TLK1: variants seen among roughly 807,000 people sequenced by gnomAD.
TLK1 encodes tousled like kinase 1, also known as serine/threonine-protein kinase tousled-like 1.
In TLK1, 24 loss-of-function variants were observed where a neutral mutation model predicts 105.3. The observed-to-expected ratio is 0.23, with a 90% CI of 0.17 to 0.32. TLK1 has a LOEUF of 0.32. Among genes scored for constraint, TLK1 ranks in the 10% least tolerant of loss-of-function variants. The pLI is 1.00. For synonymous variants in TLK1, 321 were observed against 310.4 expected, an observed-to-expected ratio of 1.03 and a Z score of -0.36; for missense variants, 558 against 910.5, an observed-to-expected ratio of 0.61 and a Z score of 4.98.
chr2:171,224,587 G>A (rs906635899), intron 1 of TLK1, among the ~76,000 whole-genome samples: 4 of 152,004 alleles, frequency 2.6e-5, no homozygotes, highest in African/African-American at 4.8e-5. Flanking sequence ...CCATGTTCAT[G>A]GATCTGAAGT....
At chr2:171,155,797 G>C (rs986095583) in intron 1 of TLK1, 8 of 152,144 alleles carry the variant, frequency 5.3e-5, no homozygotes, top group East Asian at 1.9e-4. Flanking sequence ...TTGTCATACA[G>C]TTCTTACATT....
intron 11 of TLK1, among the ~76,000 whole-genome samples, chr2:171,032,528 A>G (rs1013181444): frequency 3.3e-5 from 5 of 152,210 alleles, no homozygotes; most frequent in Non-Finnish European, 7.3e-5. Flanking sequence ...CTAGGAATAA[A>G]TTTAACCCAG....
chr2:171,122,648 T>A (rs1575610567), intron 1 of TLK1, among the ~76,000 whole-genome samples: 1 of 152,162 alleles, frequency 6.6e-6, no homozygotes, highest in Non-Finnish European at 1.5e-5. Context: ...AACAATTTTT[T>A]TTTTTTTTTG....
intron 3 of TLK1, among the ~76,000 whole-genome samples, chr2:171,081,447 T>C (rs1305305773): frequency 2.6e-5 from 4 of 152,194 alleles, no homozygotes; most frequent in Non-Finnish European, 5.9e-5. Context: ...AATTACTAAA[T>C]ATTCCCAATT....
At chr2:171,040,072 A>G (rs1024770128) in intron 11 of TLK1, among the ~76,000 whole-genome samples, 1 of 152,198 alleles carries the variant, frequency 6.6e-6, no homozygotes, top group African/African-American at 2.4e-5. Flanking sequence ...AAGCATGCTC[A>G]TACTGTAATA....
intron 11 of TLK1, among the ~76,000 whole-genome samples, chr2:171,040,959 ATTAC>A (rs1304423616): frequency 6.6e-6 from 1 of 152,202 alleles, no homozygotes; most frequent in Non-Finnish European, 1.5e-5. Context: ...GAGGTAAAAT[ATTAC>A]TTATTCTTAA....
chr2:171,006,211 T>C lies in TLK1; in HGVS notation c.1840A>G (p.Met614Val), dbSNP rs1288472562. The C allele has an allele frequency of 6.2e-7, 1 of 1,611,396 alleles. No homozygotes were observed. The highest frequency in any genetic ancestry group is 2.2e-5 in the East Asian group (1 of 44,820). ...TCTACACCATAGCTATCATCATCCA[T>C]AATCTTGGACAGACCAAAATCAGTG... is the stretch of plus-strand genomic sequence containing the variant. Reference protein sequence around the residue: ...KITDFGLSKIMDDDSYGVDGM... With the variant: ...KITDFGLSKIVDDDSYGVDGM... The change falls in exon 18 of 21, where the codon ATG (methionine) becomes GTG (valine). Residue 614 changes from methionine (M) to valine (V), a missense_variant. Coordinates refer to ENST00000431350, the MANE Select transcript of TLK1 (RefSeq NM_012290.5).
chr2:171,116,019 T>A (rs770301318), intron 2 of TLK1, among the ~76,000 whole-genome samples: 2 of 152,208 alleles, frequency 1.3e-5, no homozygotes, highest in African/African-American at 4.8e-5. Context: ...AAATAGCTTA[T>A]AAATATAAAA....
At position 170,991,499 on chromosome 2, in the gene TLK1, C is replaced by T. The variant is rs1042311978; in HGVS notation, c.*2281G>A. ...AAACTTTTAGAAGGAAAATATGGGT[C>T]TATAAGTTGATTCATCTCCTACACA... is the stretch of plus-strand genomic sequence containing the variant. On this transcript the variant is annotated 3_prime_UTR_variant, in exon 21 of 21. Coordinates refer to ENST00000431350, the MANE Select transcript of TLK1 (RefSeq NM_012290.5). The T allele has an allele frequency of 6.6e-6, 1 of 152,158 alleles. No homozygotes were observed. The highest frequency in any genetic ancestry group is 1.5e-5 in the Non-Finnish European group (1 of 68,004). The allele number at this position is 152,158 out of a possible 1,614,324, so 9.4% of individuals were successfully genotyped here. A position where few individuals can be genotyped will look rare whatever the true frequency, so the allele number is the denominator to read the frequency against.
At chr2:171,034,294 G>A (rs1320573366) in intron 11 of TLK1, among the ~76,000 whole-genome samples, 1 of 152,146 alleles carries the variant, frequency 6.6e-6, no homozygotes, top group African/African-American at 2.4e-5. Flanking sequence ...ATTGTAGACA[G>A]GTGTTTATAG....
rs1684829549 is a variant in TLK1, at chr2:171,009,988, T to C, written c.1416+1385A>G. ...ACTAGGACTTCATCCCAAGAGCAAA[T>C]GGGAAGCTACTGGGGCTTTCAAGTA... On this transcript the variant is annotated intron_variant, in intron 14 of 20. Transcript: ENST00000431350. 2.0e-5 allele frequency among the ~76,000 whole-genome samples: 3 copies of C among 152,150 alleles called. No homozygotes were observed. In the South Asian group the frequency reaches 6.2e-4, roughly 32 times the overall value.
In TLK1 at chr2:171,160,343, G is replaced by A. The variant is rs765240949; in HGVS notation, c.86C>T (p.Ala29Val). The A allele has an allele frequency of 2.2e-5, 36 of 1,603,908 alleles. No individual in the cohort carries two copies. The highest frequency in any genetic ancestry group is 5.1e-5 in the Admixed American group (3 of 58,856). Residue 29 changes from alanine to valine, a missense_variant, in exon 1 of 21, where the codon GCG becomes GTG. Ala to Val is a moderately conservative substitution (Grantham distance 64). Coordinates refer to ENST00000431350, the MANE Select transcript of TLK1 (RefSeq NM_012290.5). This position sits in a 1 kb window ranked among gnomAD's most constrained non-coding sequence, Gnocchi z 4.4. ...LSTSPTPGSAAAARSLLNHTP... is the reference protein window; with the variant it reads ...LSTSPTPGSAVAARSLLNHTP... Reference sequence around the variant, plus strand: ...GTGATTCAGCAGGGACCTGGCCGCCGCCGCCGAGCCCGGGGTTGGAGACGT... The same window carrying A: ...GTGATTCAGCAGGGACCTGGCCGCCACCGCCGAGCCCGGGGTTGGAGACGT...
At chr2:171,189,023 A>T (rs896604483) in intron 1 of TLK1, among the ~76,000 whole-genome samples, 1 of 152,246 alleles carries the variant, frequency 6.6e-6, no homozygotes, top group Non-Finnish European at 1.5e-5. Flanking sequence ...CAAAAGGACA[A>T]AGTAAACATA....
At chr2:171,092,272 A>G (rs1218419734) in intron 2 of TLK1, among the ~76,000 whole-genome samples, 1 of 152,222 alleles carries the variant, frequency 6.6e-6, no homozygotes, top group African/African-American at 2.4e-5. Flanking sequence ...AAAAATCTGG[A>G]GTGGACAAAA....
intron 2 of TLK1, among the ~76,000 whole-genome samples, chr2:171,085,899 TA>T (rs1342209248): frequency 2.0e-5 from 3 of 152,324 alleles, no homozygotes; most frequent in Middle Eastern, 3.4e-3. Context: ...TTTTTAAAAC[TA>T]GGGGATGGAA....
chr2:171,098,535 G>A (rs1689551027), intron 2 of TLK1, among the ~76,000 whole-genome samples: 1 of 152,108 alleles, frequency 6.6e-6, no homozygotes, highest in Non-Finnish European at 1.5e-5. Flanking sequence ...GGTTTCACTG[G>A]TAAATTCCAC....
Position 171,006,652 on chromosome 2 carries a change from G to C in TLK1, c.1599-9C>G. 3.7e-6 allele frequency: 6 copies of C among 1,611,576 alleles called. No individual in the cohort carries two copies. The highest frequency in any genetic ancestry group is 5.1e-6 in the Non-Finnish European group (6 of 1,179,554). On this transcript the variant is annotated splice_polypyrimidine_tract_variant and intron_variant, in intron 16 of 20. Transcript: ENST00000431350. ...CTAACACTGTACAAAACCTACAACA[G>C]AGAAGAGAAAAAAATTAGACATAAG... is the stretch of plus-strand genomic sequence containing the variant.
intron 1 of TLK1, among the ~76,000 whole-genome samples, chr2:171,131,060 T>C (rs1353256430): frequency 1.3e-5 from 2 of 152,010 alleles, no homozygotes; most frequent in African/African-American, 2.4e-5. Context: ...TAGATACCTA[T>C]ATATCTTTGT....
At chr2:171,062,205 G>A (rs1404661761) in intron 3 of TLK1, among the ~76,000 whole-genome samples, 3 of 152,174 alleles carry the variant, frequency 2.0e-5, no homozygotes, top group Non-Finnish European at 4.4e-5. Flanking sequence ...CTAGAAACGT[G>A]GTAAGCACCT....
Sources: gnomAD v4.1 joint callset for allele counts (sites outside exome capture counted in the v4.1 genomes callset) on GRCh38, gnomAD v4.1.1 for gene constraint, Gnocchi (gnomAD v3.1) non-coding constraint, MANE v1.5 for transcripts, NCBI Gene and HGNC (gene_info 2026-07-23, HGNC 2026-07-21) for gene names.